Variants in MPRIP observed in about 807,000 individuals in gnomAD.
MPRIP encodes the protein myosin phosphatase Rho interacting protein, also known as myosin phosphatase Rho-interacting protein.
In MPRIP, 59 loss-of-function variants were observed where a neutral mutation model predicts 234.9. The ratio of observed to expected loss-of-function variants is 0.25; its 90% CI spans 0.20 to 0.31. The LOEUF (loss-of-function observed/expected upper bound fraction) is 0.31, where lower values mean the gene tolerates loss of function less well. Ranked by LOEUF, MPRIP falls within the 10% of genes least tolerant of loss-of-function variation. MPRIP has a pLI of 1.00. For missense variants in MPRIP, 2,436 were observed against 3,071.0 expected, an observed-to-expected ratio of 0.79 and a Z score of 4.89; for synonymous variants, 1,144 against 1,263.9, an observed-to-expected ratio of 0.91 and a Z score of 2.01.
intron 3 of MPRIP, among the ~76,000 whole-genome samples, chr17:17,094,751 C>T (rs2089801539): frequency 6.6e-6 from 1 of 151,872 alleles, no homozygotes; most frequent in Admixed American, 6.6e-5. Context: ...GCTGGGACTA[C>T]AGGTATGTGC....
intron 3 of MPRIP, chr17:17,096,833 A>G: frequency 4.2e-6 from 2 of 471,060 alleles, no homozygotes; most frequent in Non-Finnish European, 8.8e-6. Flanking sequence ...TCATTCACCC[A>G]TTGCTGCCTT....
At chr17:17,148,579 T>C (rs926290298) in intron 11 of MPRIP, among the ~76,000 whole-genome samples, 3 of 152,214 alleles carry the variant, frequency 2.0e-5, no homozygotes, top group African/African-American at 7.2e-5. Context: ...AGCCTCAATC[T>C]TTAAATGCCC....
chr17:17,119,217 C>G (rs2090342473), intron 3 of MPRIP, among the ~76,000 whole-genome samples: 1 of 152,168 alleles, frequency 6.6e-6, no homozygotes, highest in Non-Finnish European at 1.5e-5. Context: ...GCTCGAGCAG[C>G]CAGACCATGT....
At chr17:17,130,912 G>A (rs1429171751) in intron 4 of MPRIP, among the ~76,000 whole-genome samples, 1 of 152,234 alleles carries the variant, frequency 6.6e-6, no homozygotes, top group African/African-American at 2.4e-5. Context: ...TTTCAGAAAT[G>A]AGAAGATTGA....
At chr17:17,074,367 C>T (rs538639681) in intron 1 of MPRIP, among the ~76,000 whole-genome samples, 15 of 152,328 alleles carry the variant, frequency 9.8e-5, no homozygotes, top group African/African-American at 2.2e-4. Context: ...GAGCTCCTCC[C>T]GTGGTCTGGG....
chr17:17,131,314 T>C (rs1414850232), intron 4 of MPRIP, among the ~76,000 whole-genome samples: 6 of 152,246 alleles, frequency 3.9e-5, no homozygotes, highest in South Asian at 2.1e-4. Flanking sequence ...GGGAGAGCAG[T>C]GTTAGGGCAA....
In MPRIP at chr17:17,189,899, A is replaced by G. The variant is rs2046553181; in HGVS notation, c.*5005A>G. 2 of 152,228 alleles carry G rather than the reference A, an allele frequency of 1.3e-5. No homozygotes were observed. Among genetic ancestry groups the G allele is most frequent in the Admixed American group, 1.3e-4 (2 of 15,284 alleles). 9.4% of individuals were successfully genotyped at this position (152,228 alleles called of 1,614,324 possible). On this transcript the variant is annotated 3_prime_UTR_variant, in exon 24 of 24. Transcript: ENST00000651222. Reference sequence around the variant, plus strand: ...TGAGCGAAGGTTCTCAGTGCTGGCAAAAGAGCCCACTTTCTAAAAGGACTT... The same window carrying G: ...TGAGCGAAGGTTCTCAGTGCTGGCAGAAGAGCCCACTTTCTAAAAGGACTT...
intron 4 of MPRIP, 51 bp downstream of exon 4, chr17:17,126,904 A>C: frequency 3.1e-6 from 5 of 1,589,948 alleles, no homozygotes; most frequent in Non-Finnish European, 4.3e-6. Flanking sequence ...CCACAGGGCC[A>C]ACACCAGATG....
intron 7 of MPRIP, among the ~76,000 whole-genome samples, chr17:17,141,226 T>G (rs1460740646): frequency 6.6e-6 from 1 of 152,194 alleles, no homozygotes; most frequent in Non-Finnish European, 1.5e-5. Context: ...AAGTGGCCTG[T>G]TGGTGAGCCT....
intron 21 of MPRIP, among the ~76,000 whole-genome samples, chr17:17,176,959 C>T (rs2046267842): frequency 6.6e-6 from 1 of 152,210 alleles, no homozygotes; most frequent in Non-Finnish European, 1.5e-5. Flanking sequence ...AGGGAGGGGC[C>T]TGGGCACTCA....
At position 17,137,943 on chromosome 17, in the gene MPRIP, T is replaced by A; in HGVS notation, c.764T>A (p.Met255Lys). The A allele has an allele frequency of 6.2e-7, 1 of 1,611,648 alleles. No homozygotes were observed. Among genetic ancestry groups the A allele is most frequent in the Non-Finnish European group, 8.5e-7 (1 of 1,178,958 alleles). The change falls in exon 7 of 24, where the codon ATG (methionine) becomes AAG (lysine). Residue 255 changes from methionine (M) to lysine (K), a missense_variant. Coordinates refer to ENST00000651222, the MANE Select transcript of MPRIP (RefSeq NM_001364716.4). ...GAGAGCGCCATGAGTAGCGACCGCATGGACTGTGGCCGCAAAGTCCGGGTG... is the reference window on the plus strand; with the variant it reads ...GAGAGCGCCATGAGTAGCGACCGCAAGGACTGTGGCCGCAAAGTCCGGGTG... Reference protein sequence around the residue: ...EEESAMSSDRMDCGRKVRVES... With the variant: ...EEESAMSSDRKDCGRKVRVES...
chr17:17,111,041 CAG>C (rs1466096607), intron 3 of MPRIP, among the ~76,000 whole-genome samples: 12 of 151,370 alleles, frequency 7.9e-5, no homozygotes, highest in Non-Finnish European at 1.8e-4. Context: ...GTATTAATAA[CAG>C]GGTAAACTGG....
At chr17:17,112,741 G>A (rs529986675) in intron 3 of MPRIP, among the ~76,000 whole-genome samples, 3 of 152,348 alleles carry the variant, frequency 2.0e-5, no homozygotes, top group South Asian at 4.1e-4. Context: ...CTGTGGGTTG[G>A]TGCCACTGGA....
At chr17:17,083,305 G>T (rs534135351) in intron 3 of MPRIP, among the ~76,000 whole-genome samples, 1 of 152,222 alleles carries the variant, frequency 6.6e-6, no homozygotes, top group Non-Finnish European at 1.5e-5. Context: ...TGGGGTGCCT[G>T]TGTACTTGTG....
intron 3 of MPRIP, among the ~76,000 whole-genome samples, chr17:17,118,007 G>A (rs1224739777): frequency 6.6e-6 from 1 of 152,226 alleles, no homozygotes; most frequent in Admixed American, 6.5e-5. Context: ...TCTGCAGAGG[G>A]AAACAGCTGG....
At chr17:17,147,426 G>C (rs1305604855) in intron 11 of MPRIP, 39 bp downstream of exon 11, 6 of 1,596,884 alleles carry the variant, frequency 3.8e-6, no homozygotes. Context: ...GGAGACAGCT[G>C]GAGGGGTCCA....
chr17:17,056,616 GT>G (rs147243052), intron 1 of MPRIP, among the ~76,000 whole-genome samples: 9,994 of 149,396 alleles, frequency 0.067, 963 homozygotes, highest in African/African-American at 0.21. Context: ...GTTTTGAGGG[GT>G]TTTTTTTTTG....
At chr17:17,172,956 A>C in intron 18 of MPRIP, 141 bp downstream of exon 18, 1 of 671,802 alleles carries the variant, frequency 1.5e-6, no homozygotes, top group Non-Finnish European at 2.6e-6. Flanking sequence ...GGCAGCTCAG[A>C]TGCCCTCTTG....
At chr17:17,075,887 G>T in intron 2 of MPRIP, 100 bp downstream of exon 2, 1 of 1,152,260 alleles carries the variant, frequency 8.7e-7, no homozygotes. Flanking sequence ...GTTGAACAGT[G>T]GATCCTGGGA....
Sources: allele counts gnomAD v4.1 joint callset (sites outside exome capture counted in the v4.1 genomes callset), GRCh38; gene constraint gnomAD v4.1.1; transcripts MANE v1.5; gene names NCBI Gene and HGNC (gene_info 2026-07-23, HGNC 2026-07-21).